Variants in EYS observed in about 807,000 individuals in gnomAD.
EYS encodes the protein EGF-like photoreceptor maintenance factor.
EYS carries 250 observed loss-of-function variants against 282.1 expected under a neutral mutation model. That is an observed-to-expected ratio of 0.89 (90% CI 0.80 to 0.98). The LOEUF (loss-of-function observed/expected upper bound fraction) is 0.98. EYS is among the 50% of genes least tolerant of loss of function. The pLI is 0.00. For synonymous variants in EYS, 1,355 were observed against 1,282.9 expected, an observed-to-expected ratio of 1.06 and a Z score of -1.20; for missense variants, 4,016 against 3,709.0, an observed-to-expected ratio of 1.08 and a Z score of -2.15.
At chr6:63,836,385 A>G (rs991320877) in intron 36 of EYS, among the ~76,000 whole-genome samples, 1 of 152,046 alleles carries the variant, frequency 6.6e-6, no homozygotes, top group African/African-American at 2.4e-5. Flanking sequence ...TGACATTTCT[A>G]GCAAAATAAG....
chr6:64,114,977 T>A (rs1773327682), intron 31 of EYS, among the ~76,000 whole-genome samples: 1 of 152,184 alleles, frequency 6.6e-6, no homozygotes, highest in Non-Finnish European at 1.5e-5. Flanking sequence ...GCGGCCACTC[T>A]GTGCCTTGAT....
intron 19 of EYS, among the ~76,000 whole-genome samples, chr6:64,840,436 C>T (rs921189188): frequency 6.6e-6 from 1 of 152,090 alleles, no homozygotes; most frequent in African/African-American, 2.4e-5. Flanking sequence ...AGAATTTCTT[C>T]TTCTCTACAT....
chr6:64,603,164 C>T (rs644604), intron 24 of EYS, among the ~76,000 whole-genome samples: 3,302 of 152,040 alleles, frequency 0.022, 134 homozygotes, highest in African/African-American at 0.075. Context: ...TATTTTAAAC[C>T]AGGAAAGATT....
At chr6:64,306,486 T>A (rs539528832) in intron 30 of EYS, among the ~76,000 whole-genome samples, 1 of 152,322 alleles carries the variant, frequency 6.6e-6, no homozygotes, top group African/African-American at 2.4e-5. Flanking sequence ...ATGTGTTATC[T>A]CTTTAGTTCA....
chr6:64,242,012 C>A (rs994211958), intron 30 of EYS, among the ~76,000 whole-genome samples: 2 of 152,102 alleles, frequency 1.3e-5, no homozygotes, highest in African/African-American at 4.8e-5. Flanking sequence ...AATTTGATTG[C>A]ACTGTGGTCT....
At chr6:64,481,537 T>C (rs949760038) in intron 26 of EYS, among the ~76,000 whole-genome samples, 6 of 151,450 alleles carry the variant, frequency 4.0e-5, no homozygotes, top group Non-Finnish European at 7.4e-5. Flanking sequence ...CACATACACA[T>C]ATATACATAC....
At chr6:63,826,845 C>CAAAAAAAAAAAAAAAAAAGAAAAAAA (rs1771475758) in intron 36 of EYS, among the ~76,000 whole-genome samples, 80 of 76,728 alleles carry the variant, frequency 1.0e-3, no homozygotes, top group South Asian at 2.4e-3. Flanking sequence ...AGTTAAAAAG[C>CAAAAAAAAAAAAAAAAAAGAAAAAAA]AAAAAAAAAA....
At chr6:65,185,986 G>A (rs1581994996) in intron 12 of EYS, among the ~76,000 whole-genome samples, 1 of 17,368 alleles carries the variant, frequency 5.8e-5, no homozygotes, top group African/African-American at 1.1e-4. Context: ...TTATTTAATT[G>A]CCAAGCACTT....
At chr6:65,409,720 T>G (rs1048940315) in intron 5 of EYS, among the ~76,000 whole-genome samples, 1 of 152,124 alleles carries the variant, frequency 6.6e-6, no homozygotes, top group Non-Finnish European at 1.5e-5. Flanking sequence ...TATATCCAAC[T>G]CATTTATTAC....
At chr6:63,978,089 T>C (rs987290349) in intron 35 of EYS, among the ~76,000 whole-genome samples, 1 of 151,958 alleles carries the variant, frequency 6.6e-6, no homozygotes, top group East Asian at 2.0e-4. Context: ...ACCAACAGAG[T>C]ATGTACACCA....
chr6:65,208,519 C>T (rs1766092613), intron 12 of EYS, among the ~76,000 whole-genome samples: 1 of 151,816 alleles, frequency 6.6e-6, no homozygotes, highest in Non-Finnish European at 1.5e-5. Context: ...TATTGCAGAG[C>T]TGTTCACCAG....
At chr6:65,272,957 T>C (rs1340410533) in intron 12 of EYS, among the ~76,000 whole-genome samples, 6 of 152,180 alleles carry the variant, frequency 3.9e-5, no homozygotes, top group Non-Finnish European at 7.4e-5. Flanking sequence ...CACAGTGCTC[T>C]TGCATTTTGG....
intron 12 of EYS, among the ~76,000 whole-genome samples, chr6:65,275,711 A>C (rs984744776): frequency 1.3e-5 from 2 of 152,120 alleles, no homozygotes; most frequent in African/African-American, 4.8e-5. Flanking sequence ...TATAAATTGG[A>C]AATTTGGGAA....
chr6:64,615,194 T>G (rs1767235510), intron 24 of EYS, among the ~76,000 whole-genome samples: 1 of 152,112 alleles, frequency 6.6e-6, no homozygotes, highest in Non-Finnish European at 1.5e-5. Flanking sequence ...ACCTTTTTTC[T>G]AATTCTTATA....
chr6:64,508,779 G>A (rs564905557), intron 26 of EYS, among the ~76,000 whole-genome samples: 1 of 152,034 alleles, frequency 6.6e-6, no homozygotes, highest in Admixed American at 6.6e-5. Flanking sequence ...TCACTTGCCA[G>A]TTGCTACCTA....
intron 26 of EYS, among the ~76,000 whole-genome samples, chr6:64,471,244 G>A (rs1457415347): frequency 6.6e-6 from 1 of 152,046 alleles, no homozygotes; most frequent in Non-Finnish European, 1.5e-5. Context: ...TTTAGGTAGA[G>A]CAATTAGACA....
intron 2 of EYS, among the ~76,000 whole-genome samples, chr6:65,540,770 AAAATTAG>A (rs1768138386): frequency 6.6e-6 from 1 of 152,014 alleles, no homozygotes; most frequent in Non-Finnish European, 1.5e-5. Flanking sequence ...AATACAAAAA[AAAATTAG>A]TCGAGTGTAG....
intron 22 of EYS, among the ~76,000 whole-genome samples, chr6:64,660,534 CA>C (rs1227177948): frequency 6.6e-6 from 1 of 152,144 alleles, no homozygotes; most frequent in East Asian, 1.9e-4. Flanking sequence ...GCAACTTCAG[CA>C]AAGTCTCAGG....
At chr6:64,983,889 T>C (rs1408952880) in intron 14 of EYS, among the ~76,000 whole-genome samples, 1 of 151,230 alleles carries the variant, frequency 6.6e-6, no homozygotes, top group African/African-American at 2.4e-5. Flanking sequence ...TTACATGACT[T>C]TGTAGCATTT....
Sources: gnomAD v4.1 joint callset for allele counts (sites outside exome capture counted in the v4.1 genomes callset) on GRCh38, gnomAD v4.1.1 for gene constraint, MANE v1.5 for transcripts, NCBI Gene and HGNC (gene_info 2026-07-23, HGNC 2026-07-21) for gene names.